LCORL: variants seen among roughly 807,000 people sequenced by gnomAD.
The protein encoded by LCORL is ligand dependent nuclear receptor corepressor like, also known as ligand-dependent nuclear receptor corepressor-like protein.
Under a neutral mutation model 141.8 loss-of-function variants are expected in LCORL, and 41 were observed. The observed-to-expected ratio is 0.29, with a 90% confidence interval of 0.23 to 0.38. The LOEUF is 0.38. Ranked by LOEUF, LCORL falls within the 10% of genes least tolerant of loss-of-function variation. The pLI, the probability that LCORL is intolerant of heterozygous loss-of-function variation, is 1.00. For synonymous variants in LCORL, 618 were observed against 694.1 expected, an observed-to-expected ratio of 0.89 and a Z score of 1.72; for missense variants, 1,759 against 2,035.0, an observed-to-expected ratio of 0.86 and a Z score of 2.61.
intron 4 of LCORL, among the ~76,000 whole-genome samples, chr4:17,933,738 C>T (rs949206516): frequency 4.6e-5 from 7 of 151,760 alleles, no homozygotes; most frequent in African/African-American, 1.7e-4. Flanking sequence ...CTTTATATTC[C>T]CAAACCAGCA....
intron 4 of LCORL, among the ~76,000 whole-genome samples, chr4:17,927,453 T>C (rs1004946915): frequency 1.3e-5 from 2 of 152,248 alleles, no homozygotes; most frequent in Non-Finnish European, 2.9e-5. Context: ...CACAAGGTGA[T>C]GCATTGTGCA....
chr4:17,889,345 A>T (rs745429679), intron 5 of LCORL, among the ~76,000 whole-genome samples: 9 of 152,082 alleles, frequency 5.9e-5, no homozygotes, highest in Non-Finnish European at 1.3e-4. Context: ...CTATGTTAAA[A>T]GTTTTATTCT....
At chr4:17,958,036 A>T (rs771400251) in intron 4 of LCORL, among the ~76,000 whole-genome samples, 1 of 152,044 alleles carries the variant, frequency 6.6e-6, no homozygotes, top group Non-Finnish European at 1.5e-5. Context: ...TTAATGAACC[A>T]TACTAGTATT....
intron 5 of LCORL, among the ~76,000 whole-genome samples, chr4:17,889,827 T>C (rs901117304): frequency 6.6e-6 from 1 of 152,074 alleles, no homozygotes; most frequent in Non-Finnish European, 1.5e-5. Flanking sequence ...GAGATATAAC[T>C]AGATTTTGTG....
At chr4:17,873,639 T>C in exon 7 of LCORL, 1 of 1,234,002 alleles carries the variant, frequency 8.1e-7, no homozygotes, top group Non-Finnish European at 1.0e-6. Flanking sequence ...AGATTGCTTT[T>C]TAAAAGAATT....
At chr4:17,900,334 C>A (rs1415649663) in intron 5 of LCORL, among the ~76,000 whole-genome samples, 1 of 152,158 alleles carries the variant, frequency 6.6e-6, no homozygotes, top group Non-Finnish European at 1.5e-5. Flanking sequence ...AATTTTCATA[C>A]AGTTCCTCAA....
intron 2 of LCORL, among the ~76,000 whole-genome samples, chr4:17,966,264 C>T (rs1032695778): frequency 3.9e-5 from 6 of 152,108 alleles, no homozygotes; most frequent in African/African-American, 1.4e-4. Context: ...ACAAATCTGG[C>T]TAGCCAATGA....
At chr4:17,971,988 T>G (rs567727528) in intron 2 of LCORL, among the ~76,000 whole-genome samples, 44 of 151,894 alleles carry the variant, frequency 2.9e-4, no homozygotes, top group African/African-American at 9.9e-4. Flanking sequence ...TTAAAAAAAT[T>G]TTTTTAATTG....
At position 17,951,196 on chromosome 4, in the gene LCORL, CTTAT is replaced by C. The variant is rs374401837; in HGVS notation, c.430+10703_430+10706del. Among the ~76,000 whole-genome samples the C allele has an allele frequency of 6.1e-3, 934 of 152,208 alleles. 11 individuals are homozygous for C. The highest frequency in any genetic ancestry group is 0.021 in the African/African-American group (887 of 41,532). On this transcript the variant is annotated intron_variant, in intron 4 of 7. Coordinates refer to ENST00000635767, the Ensembl canonical transcript of LCORL. The stretch of plus-strand genomic sequence containing the variant: ...ATTAATCAGACATTTTAAAAATTGC[CTTAT>C]TTATTTTGCAAAGTGCTATTGACGA...
At chr4:17,943,207 G>A (rs1187598342) in intron 4 of LCORL, among the ~76,000 whole-genome samples, 3 of 151,988 alleles carry the variant, frequency 2.0e-5, no homozygotes, top group South Asian at 2.1e-4. Flanking sequence ...TATCTCCACC[G>A]TATCCTACTG....
intron 7 of LCORL, among the ~76,000 whole-genome samples, chr4:17,857,268 G>C (rs149437815): frequency 3.9e-5 from 6 of 152,058 alleles, no homozygotes; most frequent in South Asian, 4.2e-4. Context: ...ACATGGGGGT[G>C]GGGGGAGAAA....
At chr4:17,945,828 C>T (rs1738787186) in intron 4 of LCORL, among the ~76,000 whole-genome samples, 2 of 151,280 alleles carry the variant, frequency 1.3e-5, no homozygotes, top group African/African-American at 4.8e-5. Context: ...AAAAACTAGG[C>T]AAAATAATTG....
exon 8 of LCORL, chr4:17,843,480 AAAG>A (rs1158368879): frequency 1.9e-5 from 30 of 1,582,516 alleles, no homozygotes; most frequent in African/African-American, 6.8e-5. Flanking sequence ...TTGCTTTAAT[AAAG>A]AAGAAGTTAC....
At chr4:18,009,842 C>T (rs949756594) in intron 1 of LCORL, among the ~76,000 whole-genome samples, 1 of 151,084 alleles carries the variant, frequency 6.6e-6, no homozygotes, top group African/African-American at 2.4e-5. Context: ...CCATCAACCC[C>T]CATGGACACC....
intron 4 of LCORL, among the ~76,000 whole-genome samples, chr4:17,917,638 A>T (rs1733661388): frequency 6.6e-6 from 1 of 152,250 alleles, no homozygotes; most frequent in African/African-American, 2.4e-5. Flanking sequence ...GCTAAGATTA[A>T]ATCAGGAAAA....
At chr4:17,926,307 A>G (rs563946408) in intron 4 of LCORL, among the ~76,000 whole-genome samples, 10 of 152,226 alleles carry the variant, frequency 6.6e-5, no homozygotes, top group African/African-American at 1.9e-4. Context: ...TCCACCCTCA[A>G]TCTTGGTGGG....
At chr4:17,882,464 A>C (rs1009396776) in intron 6 of LCORL, 4 of 984,516 alleles carry the variant, frequency 4.1e-6, no homozygotes, top group Non-Finnish European at 4.8e-6. Context: ...TGCTAGGTAA[A>C]AATGACCAGT....
chr4:18,007,477 A>C (rs543835523), intron 1 of LCORL, among the ~76,000 whole-genome samples: 10 of 152,236 alleles, frequency 6.6e-5, no homozygotes, highest in Non-Finnish European at 1.5e-4. Flanking sequence ...TTATGCTACA[A>C]ATTTAATACT....
chr4:17,933,658 TTC>T (rs1736399888), intron 4 of LCORL, among the ~76,000 whole-genome samples: 2 of 152,066 alleles, frequency 1.3e-5, no homozygotes, highest in Admixed American at 1.3e-4. Context: ...TGTACTATTC[TTC>T]TGTTTTTCTG....
Sources: gnomAD v4.1 joint callset for allele counts (sites outside exome capture counted in the v4.1 genomes callset) on GRCh38, gnomAD v4.1.1 for gene constraint, MANE v1.5 for transcripts, NCBI Gene and HGNC (gene_info 2026-07-23, HGNC 2026-07-21) for gene names.